Variants in BLTP2 observed in about 807,000 individuals in gnomAD.
BLTP2 encodes the protein U937-associated antigen.
At chr17:28,625,016 A>C in the BLTP2 span, among the ~76,000 whole-genome samples, 1 of 152,216 alleles carries the variant, frequency 6.6e-6, no homozygotes, top group Non-Finnish European at 1.5e-5. Flanking sequence ...TGTTTGTAAA[A>C]GAGTAACTCT....
At chr17:28,645,090 C>A in the BLTP2 span, 2 of 1,563,554 alleles carry the variant, frequency 1.3e-6, no homozygotes, top group Non-Finnish European at 1.7e-6. Context: ...TGGCCCCGGC[C>A]CCCGCCATGC....
the BLTP2 span, chr17:28,642,297 T>G: frequency 6.2e-7 from 1 of 1,614,090 alleles, no homozygotes; most frequent in Non-Finnish European, 8.5e-7. Flanking sequence ...CTTTAGAACT[T>G]TGCTGTTGAT....
the BLTP2 span, chr17:28,635,416 G>T: frequency 1.9e-6 from 3 of 1,614,070 alleles, no homozygotes; most frequent in Admixed American, 3.3e-5. Flanking sequence ...CCGCTTTGGG[G>T]GTAATGGCTC....
the BLTP2 span, chr17:28,619,796 C>A: frequency 8.7e-6 from 14 of 1,613,948 alleles, no homozygotes; most frequent in Middle Eastern, 1.6e-4. Flanking sequence ...AGGATAGAAA[C>A]TGAGAGACCG....
the BLTP2 span, among the ~76,000 whole-genome samples, chr17:28,623,324 A>G: frequency 6.6e-6 from 1 of 152,206 alleles, no homozygotes; most frequent in South Asian, 2.1e-4. Flanking sequence ...TAGAAATCAC[A>G]TAACCTGACT....
At chr17:28,621,708 G>A in the BLTP2 span, among the ~76,000 whole-genome samples, 2 of 151,998 alleles carry the variant, frequency 1.3e-5, no homozygotes, top group Non-Finnish European at 2.9e-5. Context: ...ACCCAACTGA[G>A]TTACATGCAC....
the BLTP2 span, chr17:28,616,573 G>A: frequency 6.2e-7 from 1 of 1,613,872 alleles, no homozygotes; most frequent in Non-Finnish European, 8.5e-7. This position sits in a 1 kb window ranked among gnomAD's most constrained non-coding sequence, Gnocchi z 4.8. Context: ...CTGTCTTTGG[G>A]GTTGCTACCC....
At chr17:28,616,035 T>C in the BLTP2 span, 12 of 1,352,350 alleles carry the variant, frequency 8.9e-6, no homozygotes, top group Middle Eastern at 3.6e-4. This position sits in a 1 kb window ranked among gnomAD's most constrained non-coding sequence, Gnocchi z 4.8. Flanking sequence ...CTGTATAGAA[T>C]CTCTGATCTT....
the BLTP2 span, chr17:28,645,115 G>A: frequency 2.7e-6 from 4 of 1,495,166 alleles, no homozygotes; most frequent in African/African-American, 4.3e-5. Flanking sequence ...CCCCGACGCC[G>A]GATCCGCGCA....
chr17:28,632,784 T>C, the BLTP2 span, among the ~76,000 whole-genome samples: 48 of 152,014 alleles, frequency 3.2e-4, no homozygotes, highest in Non-Finnish European at 5.7e-4. Context: ...ACACCAACCC[T>C]TTCCCCTGCC....
chr17:28,626,435 T>G, the BLTP2 span, among the ~76,000 whole-genome samples: 5,109 of 152,308 alleles, frequency 0.034, 126 homozygotes, highest in Middle Eastern at 0.054. Context: ...AAATCATTAG[T>G]GCCTCCTAAG....
the BLTP2 span, chr17:28,636,927 A>G: frequency 1.3e-6 from 2 of 1,579,912 alleles, no homozygotes; most frequent in East Asian, 4.5e-5. Context: ...AGCTGAGGAA[A>G]AAACCAGCCT....
At chr17:28,637,463 G>A in the BLTP2 span, among the ~76,000 whole-genome samples, 5 of 152,226 alleles carry the variant, frequency 3.3e-5, no homozygotes, top group African/African-American at 1.2e-4. Context: ...CTAGATCAAG[G>A]CTTTTTCTTA....
At chr17:28,636,884 GAAAAA>G in the BLTP2 span, 2 of 942,564 alleles carry the variant, frequency 2.1e-6, no homozygotes, top group Non-Finnish European at 1.6e-6. Flanking sequence ...GAAAAGACAA[GAAAAA>G]AAAAAAAAAA....
the BLTP2 span, chr17:28,619,567 A>C: frequency 6.5e-7 from 1 of 1,529,508 alleles, no homozygotes; most frequent in Non-Finnish European, 9.0e-7. Context: ...TGCACACTAG[A>C]CCTAAAGACA....
At chr17:28,644,923 C>T in the BLTP2 span, 2 of 1,409,980 alleles carry the variant, frequency 1.4e-6, no homozygotes, top group South Asian at 1.2e-5. Flanking sequence ...CTCAGTCTTT[C>T]TTCCTCCTCT....
At chr17:28,632,507 G>A in the BLTP2 span, among the ~76,000 whole-genome samples, 1 of 152,038 alleles carries the variant, frequency 6.6e-6, no homozygotes, top group African/African-American at 2.4e-5. Context: ...CCTCTGGGAG[G>A]TCACTAGATC....
the BLTP2 span, chr17:28,642,432 A>G: frequency 1.1e-6 from 1 of 934,370 alleles, no homozygotes; most frequent in African/African-American, 1.6e-5. Context: ...TGGGAGGATC[A>G]TGAGGTCAGG....
At chr17:28,641,914 T>G in the BLTP2 span, 1 of 1,613,606 alleles carries the variant, frequency 6.2e-7, no homozygotes, top group Non-Finnish European at 8.5e-7. Context: ...GCTTAGATGC[T>G]AGGCTTGGGC....
Sources: gnomAD v4.1 joint callset for allele counts (sites outside exome capture counted in the v4.1 genomes callset) on GRCh38, gnomAD v4.1.1 for gene constraint, Gnocchi (gnomAD v3.1) non-coding constraint, MANE v1.5 for transcripts, NCBI Gene and HGNC (gene_info 2026-07-23, HGNC 2026-07-21) for gene names.